Variants in CLIC5 observed in about 807,000 individuals in gnomAD.
CLIC5 encodes chloride intracellular channel protein 5.
CLIC5 carries 20 observed loss-of-function variants against 24.7 expected under a neutral mutation model. The observed-to-expected ratio is 0.81, with a 90% CI of 0.57 to 1.18. CLIC5 has a LOEUF of 1.18. Ranked by LOEUF, CLIC5 falls within the 50% of genes most tolerant of loss-of-function variation. CLIC5 has a pLI of 0.00. For missense variants in CLIC5, 341 were observed against 326.1 expected (o/e 1.05, Z -0.35); for synonymous variants, 159 against 135.6 (o/e 1.17, Z -1.20).
At chr6:45,997,576 G>A (rs766364662) in intron 1 of CLIC5, among the ~76,000 whole-genome samples, 53 of 151,064 alleles carry the variant, frequency 3.5e-4, no homozygotes, top group African/African-American at 8.0e-4. Flanking sequence ...CCTAAGAAGC[G>A]TGTTCAAATG....
intron 1 of CLIC5, among the ~76,000 whole-genome samples, chr6:46,069,027 C>T (rs139925082): frequency 1.2e-3 from 188 of 152,166 alleles, no homozygotes; most frequent in African/African-American, 3.8e-3. Context: ...GGAAAGCCCT[C>T]CTGAAAAGGT....
intron 1 of CLIC5, among the ~76,000 whole-genome samples, chr6:45,971,172 A>G (rs1409700801): frequency 6.6e-6 from 1 of 152,222 alleles, no homozygotes; most frequent in African/African-American, 2.4e-5. Context: ...CCACATTCTA[A>G]TACTACTATC....
At chr6:46,007,870 C>A (rs557620178) in intron 1 of CLIC5, among the ~76,000 whole-genome samples, 24 of 148,842 alleles carry the variant, frequency 1.6e-4, no homozygotes, top group African/African-American at 4.7e-4. Flanking sequence ...GAATCCAGAT[C>A]TTCTTTCTTT....
intron 1 of CLIC5, among the ~76,000 whole-genome samples, chr6:46,060,667 T>C (rs1193955214): frequency 6.6e-6 from 1 of 152,138 alleles, no homozygotes; most frequent in Non-Finnish European, 1.5e-5. Flanking sequence ...GGTAGGACAA[T>C]GTAATTGCTG....
chr6:45,953,588 T>C (rs940450650), intron 2 of CLIC5, among the ~76,000 whole-genome samples: 1 of 152,020 alleles, frequency 6.6e-6, no homozygotes, highest in Middle Eastern at 3.4e-3. Context: ...TGAGAAGTGT[T>C]GGGAAAGAGT....
chr6:45,952,129 ATGG>A lies in CLIC5; in HGVS notation c.174-2751_174-2749del, dbSNP rs1158622568. The stretch of plus-strand genomic sequence containing the variant: ...GATACAGGAATGTGTGGTGGTGGTG[ATGG>A]TGGTGGTGGTGGGTTTTTTCCTGGG... On this transcript the variant is annotated intron_variant, in intron 2 of 5. Transcript: ENST00000339561. Among the ~76,000 whole-genome samples the A allele has an allele frequency of 3.3e-5, 5 of 151,930 alleles. No homozygotes were observed. The East Asian group carries it at 7.7e-4, about 24-fold the overall frequency.
intron 1 of CLIC5, 59 bp from the exon 2 acceptor site, chr6:45,955,303 A>C (rs113559781): frequency 1.6e-6 from 2 of 1,228,202 alleles, no homozygotes; most frequent in African/African-American, 1.5e-5. Context: ...GGGGAACATA[A>C]GATTGTAACA....
At chr6:45,912,547 T>A in intron 5 of CLIC5, 2 of 1,332,324 alleles carry the variant, frequency 1.5e-6, no homozygotes, top group Non-Finnish European at 2.0e-6. Context: ...CAAGAAGGAA[T>A]ACAATCCACT....
chr6:45,956,283 A>C (rs1337436940), intron 1 of CLIC5, among the ~76,000 whole-genome samples: 2 of 152,192 alleles, frequency 1.3e-5, no homozygotes, highest in East Asian at 3.8e-4. Context: ...CCCCAACATA[A>C]TACTTAGAGG....
chr6:46,112,304 G>A, the CLIC5 span, among the ~76,000 whole-genome samples: 2 of 152,114 alleles, frequency 1.3e-5, no homozygotes, highest in South Asian at 2.1e-4. Flanking sequence ...ATCTTAAAAG[G>A]TCTAAAAGAA....
chr6:45,962,880 C>A (rs1397193173), intron 1 of CLIC5, among the ~76,000 whole-genome samples: 2 of 152,176 alleles, frequency 1.3e-5, no homozygotes, highest in African/African-American at 4.8e-5. Context: ...TGTTCATGGC[C>A]CATTGGGGTG....
rs1762484971 is a variant in CLIC5 at position 45,900,541 on chromosome 6, A to G, written c.*2547T>C. ...AGATCTCTTTTGAAACAAAAAAAAA[A>G]AGGAAGGTAATATTAATATTATTGT... On this transcript the variant is annotated 3_prime_UTR_variant, in exon 6 of 6. Transcript: ENST00000339561. 6.6e-6 allele frequency: 1 copy of G among 151,878 alleles called. No homozygotes were observed. The highest frequency in any genetic ancestry group is 1.5e-5 in the Non-Finnish European group (1 of 67,996). 9.4% of individuals were successfully genotyped at this position (151,878 alleles called of 1,614,324 possible).
At chr6:46,041,556 T>G (rs1767809206) in intron 1 of CLIC5, among the ~76,000 whole-genome samples, 1 of 152,202 alleles carries the variant, frequency 6.6e-6, no homozygotes, top group African/African-American at 2.4e-5. Context: ...GGAAGAAGTT[T>G]CAAAAGAAAA....
At chr6:45,936,152 G>A (rs1204786617) in intron 4 of CLIC5, among the ~76,000 whole-genome samples, 1 of 149,516 alleles carries the variant, frequency 6.7e-6, no homozygotes, top group African/African-American at 2.5e-5. Context: ...TCTCTGCTAA[G>A]GTACAATTGT....
the CLIC5 span, among the ~76,000 whole-genome samples, chr6:46,088,132 C>G: frequency 6.6e-6 from 1 of 150,932 alleles, no homozygotes; most frequent in African/African-American, 2.4e-5. Flanking sequence ...CCAAAGCAAA[C>G]TCTATCAGCG....
intron 1 of CLIC5, among the ~76,000 whole-genome samples, chr6:45,969,380 G>T (rs1199993767): frequency 6.6e-6 from 1 of 152,102 alleles, no homozygotes; most frequent in East Asian, 1.9e-4. Flanking sequence ...AGTATTCTCA[G>T]CACCTTACCT....
rs144728524 is a variant in CLIC5, at chr6:46,069,882, G to A, written c.540+9821C>T. On this transcript the variant is annotated intron_variant, in intron 1 of 5. Coordinates refer to the CLIC5 transcript ENST00000185206. ...CAAAAAGCTTATCCACCATGATCAA[G>A]TAAGCTTTATCCCTGGGATGCAAGG... is the stretch of plus-strand genomic sequence containing the variant. 2.7e-3 allele frequency among the ~76,000 whole-genome samples: 409 copies of A among 152,240 alleles called. 1 individual carries two copies. The highest frequency in any genetic ancestry group is 9.3e-3 in the African/African-American group (388 of 41,546).
intron 3 of CLIC5, among the ~76,000 whole-genome samples, chr6:45,947,515 C>T (rs1370707502): frequency 6.6e-6 from 1 of 151,864 alleles, no homozygotes; most frequent in Non-Finnish European, 1.5e-5. Flanking sequence ...CAAATGGGCC[C>T]CTCTGCTCCT....
rs565229037 is a variant in CLIC5, at chr6:46,026,712, A to C, written c.540+52991T>G. Among the ~76,000 whole-genome samples, 184 of 152,310 alleles carry C rather than the reference A, an allele frequency of 1.2e-3. 1 individual carries two copies. The highest frequency in any genetic ancestry group is 4.2e-3 in the African/African-American group (175 of 41,570). ...AGATGTTGTACTCAATGCTGGGGAT[A>C]AATTTATGAGTAAGACCCAGGCCTT... On this transcript the variant is annotated intron_variant, in intron 1 of 5. Coordinates refer to the CLIC5 transcript ENST00000185206.
Sources: allele counts gnomAD v4.1 joint callset (sites outside exome capture counted in the v4.1 genomes callset), GRCh38; gene constraint gnomAD v4.1.1; transcripts MANE v1.5; gene names NCBI Gene and HGNC (gene_info 2026-07-23, HGNC 2026-07-21).